Variants in AOX1 observed in about 807,000 individuals in gnomAD.
The protein encoded by AOX1 is aldehyde oxidase 1, also known as aldehyde oxidase.
In AOX1, 153 loss-of-function variants were observed where a neutral mutation model predicts 169.5. The observed-to-expected ratio is 0.90, with a 90% CI of 0.79 to 1.03. The LOEUF is 1.03. Ranked by LOEUF, AOX1 falls within the 50% of genes least tolerant of loss-of-function variation. The probability of loss-of-function intolerance (pLI) is 0.00; values close to 1 mark genes in which losing one functional copy is unlikely to be tolerated. For missense variants in AOX1, 1,656 were observed against 1,663.9 expected (o/e 1.00, Z 0.08); for synonymous variants, 562 against 581.9 (o/e 0.97, Z 0.49).
Position 200,605,263 on chromosome 2 carries a change from C to T in AOX1, c.815-273C>T, listed in dbSNP as rs16833848. ...CCTGTTGCATCCAGTGTGTGCTCAG[C>T]TTGAGGAGCAGCCCCTAGAGTCTTC... On this transcript the variant is annotated intron_variant, in intron 9 of 34. Coordinates refer to ENST00000374700, the MANE Select transcript of AOX1 (RefSeq NM_001159.4). 7.5e-3 allele frequency among the ~76,000 whole-genome samples: 1,137 copies of T among 152,224 alleles called. 17 individuals are homozygous for T. Among genetic ancestry groups the T allele is most frequent in the African/African-American group, 0.026 (1,091 of 41,540 alleles).
At chr2:200,638,180 AAG>A (rs1363105573) in intron 22 of AOX1, 33 bp from the exon 23 acceptor site, 2 of 1,599,560 alleles carry the variant, frequency 1.3e-6, no homozygotes, top group Non-Finnish European at 1.7e-6. Flanking sequence ...TGCTAGGTAA[AAG>A]AGGTTACCTC....
In AOX1 at chr2:200,609,346, G is replaced by A. The variant is rs2034582658; in HGVS notation, c.1085G>A (p.Arg362Lys). ...MASLGGHIISRHPDSDLNPIL... is the reference protein window; with the variant it reads ...MASLGGHIISKHPDSDLNPIL... ...TCTTTAGGGGGACACATCATTAGCAGGCATCCAGATTCAGATCTGAATCCC... is the reference window on the plus strand; with the variant it reads ...TCTTTAGGGGGACACATCATTAGCAAGCATCCAGATTCAGATCTGAATCCC... The change falls in exon 12 of 35, where the codon AGG becomes AAG. Residue 362 changes from arginine (R) to lysine (K), a missense_variant. By Grantham distance (26) the Arg-to-Lys change is conservative (BLOSUM62 2). Coordinates refer to ENST00000374700, the MANE Select transcript of AOX1 (RefSeq NM_001159.4). 6.2e-7 allele frequency: 1 copy of A among 1,613,984 alleles called. No homozygotes were observed. The highest frequency in any genetic ancestry group is 8.5e-7 in the Non-Finnish European group (1 of 1,179,942).
downstream of AOX1, among the ~76,000 whole-genome samples, chr2:200,677,693 G>A (rs2036118861): frequency 6.6e-6 from 1 of 152,188 alleles, no homozygotes; most frequent in Non-Finnish European, 1.5e-5. Flanking sequence ...ACAATTGTCT[G>A]GGCCCACTTT....
intron 25 of AOX1, among the ~76,000 whole-genome samples, chr2:200,645,806 T>C (rs1390739241): frequency 2.0e-5 from 3 of 152,028 alleles, no homozygotes; most frequent in Non-Finnish European, 4.4e-5. Context: ...GGAGGGTGTA[T>C]TTTTCCAGGA....
chr2:200,657,165 A>AAT (rs1553578034), intron 27 of AOX1, among the ~76,000 whole-genome samples: 938 of 88,320 alleles, frequency 0.011, 28 homozygotes, highest in Non-Finnish European at 0.013. Flanking sequence ...CTCTACCAAA[A>AAT]ATATATATAT....
At chr2:200,594,086 A>G (rs1435398585) in intron 2 of AOX1, among the ~76,000 whole-genome samples, 1 of 152,186 alleles carries the variant, frequency 6.6e-6, no homozygotes, top group Non-Finnish European at 1.5e-5. Context: ...ATTAGGAGAA[A>G]TGCCTGTGGG....
At chr2:200,595,436 T>G (rs547635464) in intron 3 of AOX1, 68 bp downstream of exon 3, 430 of 1,145,622 alleles carry the variant, frequency 3.8e-4, no homozygotes, top group Non-Finnish European at 5.3e-4. Context: ...ATTCCTTCAT[T>G]TGGTAAATAT....
intron 16 of AOX1, 95 bp downstream of exon 16, chr2:200,616,158 G>T: frequency 2.3e-6 from 2 of 869,324 alleles, no homozygotes; most frequent in Non-Finnish European, 3.7e-6. Flanking sequence ...CTCAAGCTCT[G>T]TAAGTCCAAG....
chr2:200,621,986 A>G (rs1194704243), intron 18 of AOX1, among the ~76,000 whole-genome samples: 8 of 152,192 alleles, frequency 5.3e-5, no homozygotes, highest in Non-Finnish European at 2.9e-5. Context: ...TCCTTACCTC[A>G]GGTGATCTGC....
Position 200,641,181 on chromosome 2 carries a change from A to T in AOX1, c.2652A>T (p.Leu884Phe). Residue 884 changes from leucine to phenylalanine, a missense_variant, in exon 24 of 35, where the codon TTA (leucine) becomes TTT (phenylalanine). Physicochemically the swap from Leu to Phe is conservative, Grantham distance 22 (BLOSUM62 0). Coordinates refer to ENST00000374700, the MANE Select transcript of AOX1 (RefSeq NM_001159.4). ...SNAGASLDES[L>F]FVIEMGLLKM... is the part of the protein sequence containing the mutation. ...CAGGCGCCTCCTTGGATGAATCATT[A>T]TTCGTAAGTGTTTTAAGGAGCAAGT... 6.2e-7 allele frequency: 1 copy of T among 1,606,690 alleles called. No homozygotes were observed. Among genetic ancestry groups the T allele is most frequent in the Non-Finnish European group, 8.5e-7 (1 of 1,173,430 alleles).
At chr2:200,618,710 C>G (rs1257174135) in intron 16 of AOX1, among the ~76,000 whole-genome samples, 1 of 152,180 alleles carries the variant, frequency 6.6e-6, no homozygotes, top group African/African-American at 2.4e-5. Flanking sequence ...GTGGGGAGCA[C>G]TCTTCTCGAG....
chr2:200,675,224 G>A (rs1224592628), downstream of AOX1, among the ~76,000 whole-genome samples: 2 of 152,178 alleles, frequency 1.3e-5, no homozygotes, highest in Non-Finnish European at 2.9e-5. Flanking sequence ...GGTTCATACT[G>A]GCAGAGGATA....
Position 200,660,065 on chromosome 2 carries a change from A to C in AOX1, c.3371A>C (p.Asp1124Ala). Residue 1124 changes from aspartate to alanine, a missense_variant, in exon 29 of 35, where the codon GAC (aspartate) becomes GCC (alanine). By Grantham distance (126) the Asp-to-Ala change is moderately radical. Transcript: ENST00000374700. ...AAGAATCCTAAAGGAACTTGGAAAGACTGGGTGAGAATCAATGGTTCTCTG... is the reference window on the plus strand; with the variant it reads ...AAGAATCCTAAAGGAACTTGGAAAGCCTGGGTGAGAATCAATGGTTCTCTG... ...ISKNPKGTWK[D>A]WAQTAFDESI... 7 of 1,613,248 alleles carry C rather than the reference A, an allele frequency of 4.3e-6. No homozygotes were observed. Among genetic ancestry groups the C allele is most frequent in the Non-Finnish European group, 5.9e-6 (7 of 1,179,228 alleles).
At position 200,616,023 on chromosome 2, in the gene AOX1, A is replaced by G. The variant is rs745617267; in HGVS notation, c.1664A>G (p.Asp555Gly). The stretch of plus-strand genomic sequence containing the variant: ...GACAAGTATGAAAGTGCTTTAGAAG[A>G]TCTTCATTCCAAACATCACTGCAGT... The part of the protein sequence containing the change: ...LADKYESALE[D>G]LHSKHHCSTL... Residue 555 changes from aspartate to glycine, a missense_variant, in exon 16 of 35, where the codon GAT becomes GGT. Coordinates refer to ENST00000374700, the MANE Select transcript of AOX1 (RefSeq NM_001159.4). The G allele has an allele frequency of 6.2e-7, 1 of 1,613,882 alleles. No homozygotes were observed. The highest frequency in any genetic ancestry group is 1.3e-5 in the African/African-American group (1 of 74,922).
intron 5 of AOX1, 55 bp downstream of exon 5, chr2:200,599,801 T>A (rs1225493965): frequency 1.2e-5 from 16 of 1,306,006 alleles, no homozygotes; most frequent in African/African-American, 1.5e-5. Context: ...TATTTATTTT[T>A]TGAGACGGAA....
In AOX1 at chr2:200,634,906, A is replaced by G. The variant is rs2105739698; in HGVS notation, c.2337A>G (p.Lys779=). ...MDVYVSTQFP[K]YIQDIVASTL... is the part of the protein sequence containing the mutation. The stretch of plus-strand genomic sequence containing the variant: ...TCTACGTGTCCACACAGTTTCCCAA[A>G]TATATACAGGTAACATGGGGCCATT... The change falls in exon 21 of 35, where the codon AAA becomes AAG. Residue 779 remains lysine (K), a synonymous_variant. Transcript: ENST00000374700. The G allele has an allele frequency of 6.2e-7, 1 of 1,614,044 alleles. No homozygotes were observed.
intron 25 of AOX1, among the ~76,000 whole-genome samples, chr2:200,646,678 T>C (rs2035459043): frequency 6.6e-6 from 1 of 152,160 alleles, no homozygotes; most frequent in African/African-American, 2.4e-5. Context: ...CCTACTATTG[T>C]GTTGCTGTCT....
rs566178256 is a variant in AOX1 at position 200,619,751 on chromosome 2, A to G, written c.1705-899A>G. Among the ~76,000 whole-genome samples, 7 of 152,320 alleles carry G rather than the reference A, an allele frequency of 4.6e-5. No homozygotes were observed. In the East Asian group the frequency reaches 7.7e-4, roughly 17 times the overall value. ...GCAACATTAGTGGATCATTACTCCA[A>G]TTGCAGGTCCCTTTGGCTTCATTCT... On this transcript the variant is annotated intron_variant, in intron 16 of 34. Transcript: ENST00000374700.
intron 20 of AOX1, among the ~76,000 whole-genome samples, chr2:200,628,738 G>T (rs2035054238): frequency 6.6e-6 from 1 of 152,070 alleles, no homozygotes; most frequent in African/African-American, 2.4e-5. Context: ...AGACCAGCCT[G>T]GCCAAAATGG....
Sources: allele counts gnomAD v4.1 joint callset (sites outside exome capture counted in the v4.1 genomes callset), GRCh38; gene constraint gnomAD v4.1.1; transcripts MANE v1.5; gene names NCBI Gene and HGNC (gene_info 2026-07-23, HGNC 2026-07-21).